Variants in HIVEP3 observed in about 807,000 individuals in gnomAD.
HIVEP3 encodes transcription factor HIVEP3.
In HIVEP3, 49 loss-of-function variants were observed where a neutral mutation model predicts 152.8. The ratio of observed to expected loss-of-function variants is 0.32; its 90% CI spans 0.26 to 0.41. HIVEP3 has a LOEUF of 0.41. Among genes scored for constraint, HIVEP3 ranks in the 10% least tolerant of loss-of-function variants. The pLI is 1.00. For missense variants in HIVEP3, 2,790 were observed against 3,103.3 expected (o/e 0.90, Z 2.40); for synonymous variants, 1,269 against 1,289.0 (o/e 0.98, Z 0.33).
chr1:41,833,365 C>T (rs1643021083), intron 1 of HIVEP3, among the ~76,000 whole-genome samples: 1 of 152,156 alleles, frequency 6.6e-6, no homozygotes, highest in East Asian at 1.9e-4. Context: ...CATGAGGGGG[C>T]TGGTTTTTGA....
chr1:41,711,746 G>A (rs1646516551), intron 1 of HIVEP3, among the ~76,000 whole-genome samples: 1 of 152,170 alleles, frequency 6.6e-6, no homozygotes, highest in South Asian at 2.1e-4. Context: ...TCTGTGTTGA[G>A]CGGCCCGAGT....
At chr1:41,810,798 T>C (rs1284411953) in intron 1 of HIVEP3, among the ~76,000 whole-genome samples, 4 of 152,260 alleles carry the variant, frequency 2.6e-5, no homozygotes, top group Non-Finnish European at 4.4e-5. Flanking sequence ...TACCTCATTT[T>C]AAGAAGTAGT....
In HIVEP3 at chr1:41,583,198, G is replaced by T. The variant is rs150413814; in HGVS notation, c.1600C>A (p.Pro534Thr). Residue 534 changes from proline to threonine, a missense_variant, in exon 4 of 9, where the codon CCT (proline) becomes ACT (threonine). Physicochemically the swap from Pro to Thr is conservative, Grantham distance 38. This residue lies in a region of HIVEP3 where 339 missense variants were observed against 327.0 expected (regional missense o/e 1.04). Coordinates refer to ENST00000372583, the MANE Select transcript of HIVEP3 (RefSeq NM_024503.5). The surrounding 1 kb of genome is among the most constrained non-coding windows in gnomAD (Gnocchi z 6.9). ...SLQHPPSTAP[P>T]VPLLRSHSMP... ...GAGTGGCTTCTCAGGAGAGGCACAG[G>T]GGGGGCGGTACTGGGCGGGTGCTGG... 192 of 1,611,274 alleles carry T rather than the reference G, an allele frequency of 1.2e-4. No individual in the cohort carries two copies. Among genetic ancestry groups the T allele is most frequent in the African/African-American group, 3.5e-4 (26 of 74,844 alleles).
In HIVEP3 at chr1:41,653,019, A is replaced by G. The variant is rs1330100045; in HGVS notation, c.-720-24072T>C. Among the ~76,000 whole-genome samples, 3 of 124,722 alleles carry G rather than the reference A, an allele frequency of 2.4e-5. No homozygotes were observed. The East Asian group carries it at 1.0e-3, about 41-fold the overall frequency. The allele number at this position is 124,722 out of a possible 152,430, so 81.8% of individuals were successfully genotyped here. ...GCATGCCATTTTTCTTCTGAGGATA[A>G]AAGAAATTAAGCTAACAAAGTGGGA... On this transcript the variant is annotated intron_variant, in intron 2 of 8. Transcript: ENST00000372583.
intron 1 of HIVEP3, among the ~76,000 whole-genome samples, chr1:41,858,107 A>G (rs966572367): frequency 6.6e-6 from 1 of 152,206 alleles, no homozygotes; most frequent in African/African-American, 2.4e-5. Context: ...AAAAATGATC[A>G]TTCCTAACAT....
Position 41,579,853 on chromosome 1 carries a change from A to C in HIVEP3, c.4945T>G (p.Ser1649Ala), listed in dbSNP as rs1644374031. The C allele has an allele frequency of 1.2e-6, 2 of 1,614,058 alleles. No individual in the cohort carries two copies. The highest frequency in any genetic ancestry group is 1.7e-6 in the Non-Finnish European group (2 of 1,180,026). Residue 1649 changes from serine (S) to alanine (A), a missense_variant, in exon 4 of 9, where the codon TCC becomes GCC. Physicochemically the swap from Ser to Ala is moderately conservative, Grantham distance 99. Coordinates refer to ENST00000372583, the MANE Select transcript of HIVEP3 (RefSeq NM_024503.5). ...LPGVSTKAAL[S>A]LLRSKQKVSK... is the part of the protein sequence containing the mutation. The stretch of plus-strand genomic sequence containing the variant: ...ACTTTCTGCTTAGACCTCAGGAGGG[A>C]CAAAGCAGCTTTAGTGGAAACCCCC...
chr1:41,682,784 G>T (rs1030111395), intron 2 of HIVEP3, among the ~76,000 whole-genome samples: 4 of 152,134 alleles, frequency 2.6e-5, no homozygotes, highest in Non-Finnish European at 5.9e-5. Context: ...TGCTCTGGGG[G>T]ACTCATTTCT....
intron 2 of HIVEP3, among the ~76,000 whole-genome samples, chr1:41,642,201 C>T (rs1645384434): frequency 6.6e-6 from 1 of 152,230 alleles, no homozygotes; most frequent in Non-Finnish European, 1.5e-5. Context: ...GACAGACTGT[C>T]CTGATAGCCA....
Position 41,518,773 on chromosome 1 carries a change from AAAAC to A in HIVEP3, c.5384-289_5384-286del, listed in dbSNP as rs369390132. Among the ~76,000 whole-genome samples, 601 of 152,300 alleles carry A rather than the reference AAAAC, an allele frequency of 3.9e-3. 3 individuals carry two copies. Among genetic ancestry groups the A allele is most frequent in the Non-Finnish European group, 6.5e-3 (439 of 68,028 alleles). ...AATGAGGAAGTGAGATGCTGGTTAA[AAAAC>A]AAACAAAAAAGAAATTAAAAGACAA... is the stretch of plus-strand genomic sequence containing the variant. On this transcript the variant is annotated intron_variant, in intron 6 of 8. Coordinates refer to ENST00000372583, the MANE Select transcript of HIVEP3 (RefSeq NM_024503.5).
At chr1:41,637,340 A>C (rs763950197) in intron 2 of HIVEP3, among the ~76,000 whole-genome samples, 3 of 152,234 alleles carry the variant, frequency 2.0e-5, no homozygotes, top group Non-Finnish European at 4.4e-5. Context: ...CTTAAAGATA[A>C]ACATATACTC....
intron 5 of HIVEP3, chr1:41,543,202 C>G (rs149132569): frequency 6.6e-6 from 1 of 152,246 alleles, no homozygotes; most frequent in South Asian, 2.1e-4. Flanking sequence ...GGCACAGCCA[C>G]GAGCTGGCGT....
chr1:41,841,392 A>C (rs1395457328), intron 1 of HIVEP3, among the ~76,000 whole-genome samples: 4 of 143,734 alleles, frequency 2.8e-5, no homozygotes, highest in East Asian at 1.9e-4. Context: ...GCCAACACCA[A>C]GTTTTGACAA....
At chr1:41,807,364 C>T (rs1055172315) in intron 1 of HIVEP3, among the ~76,000 whole-genome samples, 1 of 152,134 alleles carries the variant, frequency 6.6e-6, no homozygotes, top group East Asian at 1.9e-4. Context: ...CCCCAGACGA[C>T]AGAAGAGTGG....
At chr1:41,603,054 T>C (rs1165134029) in intron 3 of HIVEP3, among the ~76,000 whole-genome samples, 1 of 151,962 alleles carries the variant, frequency 6.6e-6, no homozygotes, top group East Asian at 1.9e-4. Context: ...TCCATTTCTA[T>C]TTATTTATTT....
intron 1 of HIVEP3, among the ~76,000 whole-genome samples, chr1:41,984,975 C>CT (rs1645313659): frequency 6.7e-6 from 1 of 149,450 alleles, no homozygotes; most frequent in Non-Finnish European, 1.5e-5. Context: ...AGTCAGAGGA[C>CT]TAAAAAAAAA....
At chr1:41,569,798 T>G (rs1040604455) in intron 5 of HIVEP3, among the ~76,000 whole-genome samples, 1 of 152,226 alleles carries the variant, frequency 6.6e-6, no homozygotes, top group African/African-American at 2.4e-5. Context: ...GTACACTGCA[T>G]GAACTCTTAA....
At chr1:41,771,708 G>A (rs145744046) in intron 1 of HIVEP3, among the ~76,000 whole-genome samples, 2,431 of 152,078 alleles carry the variant, frequency 0.016, 23 homozygotes, top group Non-Finnish European at 0.019. Context: ...TCACTCTGTC[G>A]CCCAGGCTGG....
chr1:41,548,178 T>G (rs1236899126), intron 5 of HIVEP3, among the ~76,000 whole-genome samples: 1 of 152,224 alleles, frequency 6.6e-6, no homozygotes, highest in East Asian at 1.9e-4. Context: ...AGAACTGGGC[T>G]GCAGGACTCA....
intron 1 of HIVEP3, among the ~76,000 whole-genome samples, chr1:41,984,266 T>A (rs763708906): frequency 7.2e-5 from 11 of 152,186 alleles, no homozygotes; most frequent in Non-Finnish European, 1.3e-4. Flanking sequence ...GCCACTGCAC[T>A]GGGCCCATAC....
Sources: gnomAD v4.1 joint callset for allele counts (sites outside exome capture counted in the v4.1 genomes callset) on GRCh38, gnomAD v4.1.1 for gene constraint, gnomAD v4.1.1 regional missense constraint, Gnocchi (gnomAD v3.1) non-coding constraint, MANE v1.5 for transcripts, NCBI Gene and HGNC (gene_info 2026-07-23, HGNC 2026-07-21) for gene names.